Variants in RNASET2 observed in about 807,000 individuals in gnomAD.
RNASET2 encodes ribonuclease T2.
Under a neutral mutation model 33.9 loss-of-function variants are expected in RNASET2, and 28 were observed. The observed-to-expected ratio is 0.83, with a 90% CI of 0.61 to 1.13. The LOEUF is 1.13. Ranked by LOEUF, RNASET2 falls within the 50% of genes most tolerant of loss-of-function variation. The pLI, the probability that RNASET2 is intolerant of heterozygous loss-of-function variation, is 0.00. For synonymous variants in RNASET2, 123 were observed against 121.0 expected, an observed-to-expected ratio of 1.02 and a Z score of -0.11; for missense variants, 330 against 319.9, an observed-to-expected ratio of 1.03 and a Z score of -0.24.
Position 166,952,553 on chromosome 6 carries a change from T to G in RNASET2, c.87-5A>C. On this transcript the variant is annotated splice_region_variant and splice_polypyrimidine_tract_variant and intron_variant, in intron 1 of 8. Coordinates refer to ENST00000508775, the MANE Select transcript of RNASET2 (RefSeq NM_003730.6). The stretch of plus-strand genomic sequence containing the variant: ...TTTTTCCACTCATGGTTGTCACTGT[T>G]AAAACATAAGAAACTTATTTTTCAA... 6.2e-7 allele frequency: 1 copy of G among 1,609,622 alleles called. No homozygotes were observed. Among genetic ancestry groups the G allele is most frequent in the Non-Finnish European group, 8.5e-7 (1 of 1,175,778 alleles).
chr6:166,953,876 T>C (rs1245820530), intron 1 of RNASET2, among the ~76,000 whole-genome samples: 1 of 138,502 alleles, frequency 7.2e-6, no homozygotes, highest in African/African-American at 3.1e-5. Context: ...CCAGACCCTG[T>C]CTCAAAAAAA....
chr6:166,952,410 C>T, intron 2 of RNASET2, 78 bp downstream of exon 2: 1 of 1,310,054 alleles, frequency 7.6e-7, no homozygotes. Context: ...CGTGGGTGCC[C>T]TGGACGGGCA....
chr6:166,953,941 C>T (rs1779047057), intron 1 of RNASET2, among the ~76,000 whole-genome samples: 2 of 151,690 alleles, frequency 1.3e-5, no homozygotes, highest in South Asian at 4.2e-4. Flanking sequence ...CATTTTTTAC[C>T]CTTGGGTGAA....
Position 166,956,157 on chromosome 6 carries a change from G to T in RNASET2, c.26C>A (p.Ala9Asp). Reference protein sequence around the residue: MRPAALRGALLGCLCLALL... With the variant: MRPAALRGDLLGCLCLALL... The stretch of plus-strand genomic sequence containing the variant: ...CGCCAGGCAGAGGCAGCCCAGCAGG[G>T]CCCCGCGCAGGGCTGCAGGGCGCAT... Residue 9 changes from alanine to aspartate, a missense_variant, in exon 1 of 9, where the codon GCC becomes GAC. Coordinates refer to ENST00000508775, the MANE Select transcript of RNASET2 (RefSeq NM_003730.6). 6.5e-7 allele frequency: 1 copy of T among 1,550,370 alleles called. No individual in the cohort carries two copies. The highest frequency in any genetic ancestry group is 8.7e-7 in the Non-Finnish European group (1 of 1,146,718).
At position 166,933,803 on chromosome 6, in the gene RNASET2, C is replaced by G. The variant is rs1778502314; in HGVS notation, c.492+288G>C. Reference sequence around the variant, plus strand: ...CTACGTTATAAAAGTGAATGTGACTCTTGAAACTGCAGATTCCACCTGCTC... The same window carrying G: ...CTACGTTATAAAAGTGAATGTGACTGTTGAAACTGCAGATTCCACCTGCTC... On this transcript the variant is annotated intron_variant, in intron 7 of 8. Coordinates refer to ENST00000508775, the MANE Select transcript of RNASET2 (RefSeq NM_003730.6). The surrounding 1 kb of genome is among the most constrained non-coding windows in gnomAD (Gnocchi z 4.1). 4.0e-6 allele frequency: 2 copies of G among 503,976 alleles called. No individual in the cohort carries two copies. The highest frequency in any genetic ancestry group is 7.1e-6 in the Non-Finnish European group (2 of 282,830). 31.2% of individuals were successfully genotyped at this position (503,976 alleles called of 1,614,324 possible).
chr6:166,932,584 C>G (rs1204138699), intron 7 of RNASET2: 3 of 152,278 alleles, frequency 2.0e-5, no homozygotes, highest in African/African-American at 7.2e-5. Flanking sequence ...CTGATTTCCC[C>G]ATAAAACAGA....
rs1778258224 is a variant in RNASET2 at position 166,923,215 on chromosome 6, C to A, written c.*6373G>T. ...GAGGGCTGGGATTACAGGCGTGAGC[C>A]ACCAGGCCCGGCCTTTTTTTTTTTT... On this transcript the variant is annotated 3_prime_UTR_variant, in exon 9 of 9. Transcript: ENST00000508775. Among the ~76,000 whole-genome samples, 2 of 134,146 alleles carry A rather than the reference C, an allele frequency of 1.5e-5. No individual in the cohort carries two copies. The highest frequency in any genetic ancestry group is 2.3e-4 in the South Asian group (1 of 4,318). 88.0% of individuals were successfully genotyped at this position (134,146 alleles called of 152,430 possible). A position where few individuals can be genotyped will look rare whatever the true frequency, so the allele number is the denominator to read the frequency against.
rs1562489668 is a variant in RNASET2 at position 166,923,801 on chromosome 6, G to T, written c.*5787C>A. 6.6e-6 allele frequency among the ~76,000 whole-genome samples: 1 copy of T among 152,174 alleles called. No individual in the cohort carries two copies. The highest frequency in any genetic ancestry group is 1.5e-5 in the Non-Finnish European group (1 of 68,022). On this transcript the variant is annotated 3_prime_UTR_variant, in exon 9 of 9. Coordinates refer to ENST00000508775, the MANE Select transcript of RNASET2 (RefSeq NM_003730.6). ...ACGCCCAAATACTGACTTCATATCT[G>T]TGATTGTATCCTGGTAATTTCATTT...
rs538845875 is a variant in RNASET2 at position 166,938,878 on chromosome 6, G to A, written c.446+17C>T. The stretch of plus-strand genomic sequence containing the variant: ...GATCCCCACTGGGAAGTGCAGCCGG[G>A]GGAAGGGCGCACCCACCTGTTGAGG... On this transcript the variant is annotated intron_variant, in intron 6 of 8. Coordinates refer to ENST00000508775, the MANE Select transcript of RNASET2 (RefSeq NM_003730.6). 2.3e-5 allele frequency: 36 copies of A among 1,563,916 alleles called. No homozygotes were observed. Among genetic ancestry groups the A allele is most frequent in the Non-Finnish European group, 3.1e-5 (35 of 1,134,092 alleles).
At chr6:166,950,284 C>G (rs1053647665) in intron 2 of RNASET2, among the ~76,000 whole-genome samples, 2 of 152,198 alleles carry the variant, frequency 1.3e-5, no homozygotes, top group Non-Finnish European at 2.9e-5. Flanking sequence ...ACACTCCCAA[C>G]AATTGAAAGT....
intron 6 of RNASET2, among the ~76,000 whole-genome samples, chr6:166,937,898 A>G (rs929308994): frequency 3.9e-5 from 6 of 152,208 alleles, no homozygotes; most frequent in Admixed American, 1.3e-4. Context: ...CCTGAGCTCT[A>G]TCCCACCCAA....
chr6:166,955,946 T>C, intron 1 of RNASET2, 151 bp downstream of exon 1: 1 of 1,053,226 alleles, frequency 9.5e-7, no homozygotes, highest in South Asian at 1.5e-5. Flanking sequence ...TTCCCAGGGG[T>C]CACCCCGGAG....
chr6:166,948,141 G>A (rs749875581), intron 3 of RNASET2, among the ~76,000 whole-genome samples: 3 of 151,976 alleles, frequency 2.0e-5, no homozygotes, highest in South Asian at 2.1e-4. Context: ...AGGTCAGGAG[G>A]TCGAGACCAG....
chr6:166,942,997 G>T, intron 5 of RNASET2, 22 bp downstream of exon 5: 1 of 1,603,732 alleles, frequency 6.2e-7, no homozygotes, highest in Non-Finnish European at 8.5e-7. Flanking sequence ...AATCAAGACA[G>T]CAATCAGAGG....
Position 166,956,341 on chromosome 6 carries a change from T to A in RNASET2, c.-159A>T. On this transcript the variant is annotated 5_prime_UTR_variant, in exon 1 of 9. Transcript: ENST00000508775. ...CGGCCACCGGGTGCGCCCGGAGCCC[T>A]GGGACGGCCTAAACCAGTATCTCGC... The A allele has an allele frequency of 2.9e-6, 2 of 698,408 alleles. No homozygotes were observed. Among genetic ancestry groups the A allele is most frequent in the Non-Finnish European group, 5.0e-6 (2 of 399,426 alleles). The allele number at this position is 698,408 out of a possible 1,614,324, so 43.3% of individuals were successfully genotyped here.
At chr6:166,939,076 G>A (rs564838479) in intron 5 of RNASET2, 68 bp from the exon 6 acceptor site, 3 of 1,150,924 alleles carry the variant, frequency 2.6e-6, no homozygotes, top group East Asian at 2.3e-5. Context: ...GCTCATGCCT[G>A]TAATCCCAAC....
intron 5 of RNASET2, among the ~76,000 whole-genome samples, chr6:166,941,641 G>A (rs1334382151): frequency 1.3e-5 from 2 of 152,122 alleles, no homozygotes; most frequent in Non-Finnish European, 2.9e-5. Flanking sequence ...CTGCCACACC[G>A]ATGAACCAGA....
intron 1 of RNASET2, chr6:166,955,884 C>G: frequency 1.5e-6 from 1 of 686,168 alleles, no homozygotes. Flanking sequence ...GGGCTCCCCC[C>G]AACCCACTCC....
Position 166,925,191 on chromosome 6 carries a change from G to A in RNASET2, c.*4397C>T, listed in dbSNP as rs540360793. Among the ~76,000 whole-genome samples the A allele has an allele frequency of 3.4e-5, 5 of 148,428 alleles. No individual in the cohort carries two copies. The highest frequency in any genetic ancestry group is 4.3e-4 in the South Asian group (2 of 4,640). On this transcript the variant is annotated 3_prime_UTR_variant, in exon 9 of 9. Coordinates refer to ENST00000508775, the MANE Select transcript of RNASET2 (RefSeq NM_003730.6). ...CTGCCGCCCAGCCCTCACTCCTGCCGCCCAGCCCTCACCTCTGCTGTCCAG... is the reference window on the plus strand; with the variant it reads ...CTGCCGCCCAGCCCTCACTCCTGCCACCCAGCCCTCACCTCTGCTGTCCAG...
Sources: allele counts gnomAD v4.1 joint callset (sites outside exome capture counted in the v4.1 genomes callset), GRCh38; gene constraint gnomAD v4.1.1; non-coding constraint Gnocchi (gnomAD v3.1); transcripts MANE v1.5; gene names NCBI Gene and HGNC (gene_info 2026-07-23, HGNC 2026-07-21).